The following PCDH15 variants were observed in gnomAD, a reference collection of about 807,000 sequenced individuals.
PCDH15 encodes protocadherin related 15, also known as protocadherin-15.
In PCDH15, 129 loss-of-function variants were observed where a neutral mutation model predicts 178.5. That is an observed-to-expected ratio of 0.72 (90% CI 0.63 to 0.84). The LOEUF (loss-of-function observed/expected upper bound fraction) is 0.84, where lower values mean the gene tolerates loss of function less well. Ranked by LOEUF, PCDH15 falls within the 40% of genes least tolerant of loss-of-function variation. PCDH15 has a pLI of 0.00. For missense variants in PCDH15, 2,230 were observed against 2,099.9 expected (o/e 1.06, Z -1.21); for synonymous variants, 800 against 732.0 (o/e 1.09, Z -1.50).
intron 29 of PCDH15, among the ~76,000 whole-genome samples, chr10:53,835,918 T>C (rs1383599074): frequency 1.3e-5 from 2 of 152,228 alleles, no homozygotes; most frequent in African/African-American, 4.8e-5. Context: ...TATTCCTTCA[T>C]GGTGTAAGAA....
intron 2 of PCDH15, among the ~76,000 whole-genome samples, chr10:54,622,784 G>A (rs1264925411): frequency 2.3e-5 from 1 of 43,492 alleles, no homozygotes; most frequent in African/African-American, 8.1e-5. Context: ...TCCCACTACA[G>A]TGGGAAAAAC....
chr10:54,809,652 T>C (rs1041529861), intron 3 of PCDH15, among the ~76,000 whole-genome samples: 1 of 152,160 alleles, frequency 6.6e-6, no homozygotes, highest in African/African-American at 2.4e-5. Flanking sequence ...TTATTCAATA[T>C]TGAGTGCCAA....
At chr10:54,617,436 A>G (rs1346351403) in intron 2 of PCDH15, among the ~76,000 whole-genome samples, 1 of 152,122 alleles carries the variant, frequency 6.6e-6, no homozygotes, top group Non-Finnish European at 1.5e-5. Flanking sequence ...GTTAATATAC[A>G]ATAAAGAGAA....
At chr10:55,491,746 G>A (rs1840423983) in intron 2 of PCDH15, among the ~76,000 whole-genome samples, 1 of 151,002 alleles carries the variant, frequency 6.6e-6, no homozygotes, top group Non-Finnish European at 1.5e-5. Context: ...AAGTCTTGGT[G>A]GGGAACAATT....
intron 2 of PCDH15, among the ~76,000 whole-genome samples, chr10:55,365,414 A>G (rs936052442): frequency 1.2e-4 from 19 of 152,146 alleles, no homozygotes; most frequent in Admixed American, 1.1e-3. Flanking sequence ...GAGCAGCTCT[A>G]TAACAAGGAG....
At chr10:54,752,738 C>G (rs1234834629) in intron 1 of PCDH15, among the ~76,000 whole-genome samples, 2 of 151,758 alleles carry the variant, frequency 1.3e-5, no homozygotes, top group Non-Finnish European at 2.9e-5. Context: ...GACAGGACCT[C>G]ACTTATTTCC....
At chr10:54,157,015 T>G (rs574622563) in intron 13 of PCDH15, among the ~76,000 whole-genome samples, 1 of 152,334 alleles carries the variant, frequency 6.6e-6, no homozygotes, top group South Asian at 2.1e-4. Flanking sequence ...TCTGTCCCTT[T>G]GGCTTTGCAG....
At chr10:54,182,856 T>G (rs1481579293) in intron 13 of PCDH15, among the ~76,000 whole-genome samples, 1 of 152,206 alleles carries the variant, frequency 6.6e-6, no homozygotes, top group African/African-American at 2.4e-5. Context: ...TATGCTTTTT[T>G]TTTTAAAGTA....
In PCDH15 at chr10:54,905,831, TC is replaced by T. The variant is rs1188881990; in HGVS notation, c.-79-8332del. Among the ~76,000 whole-genome samples the T allele has an allele frequency of 3.9e-5, 6 of 152,226 alleles. No individual in the cohort carries two copies. In the East Asian group the frequency reaches 1.2e-3, roughly 29 times the overall value. On this transcript the variant is annotated intron_variant, in intron 2 of 5. Coordinates refer to the PCDH15 transcript ENST00000458638. ...GATGTGTCATGAATACAAAAATTTC[TC>T]CCTCTTAACATTTCCTTTTCAATAG...
chr10:54,987,080 T>C (rs919522016), intron 2 of PCDH15, among the ~76,000 whole-genome samples: 13 of 152,088 alleles, frequency 8.5e-5, no homozygotes, highest in Non-Finnish European at 4.4e-5. Context: ...GTGTTCTCAT[T>C]GTTCAACTCC....
chr10:54,825,665 A>G (rs1053540611), intron 3 of PCDH15, among the ~76,000 whole-genome samples: 11 of 151,756 alleles, frequency 7.2e-5, no homozygotes, highest in Admixed American at 6.6e-4. Context: ...GGCTGCATAA[A>G]TGTCTTCTTT....
intron 16 of PCDH15, among the ~76,000 whole-genome samples, chr10:54,089,357 CAT>C (rs1411740589): frequency 6.6e-6 from 1 of 152,198 alleles, no homozygotes; most frequent in East Asian, 1.9e-4. Context: ...AAACCAGCCA[CAT>C]GTGACAGCAG....
intron 21 of PCDH15, among the ~76,000 whole-genome samples, chr10:53,964,499 T>A (rs1202551165): frequency 3.7e-5 from 5 of 136,124 alleles, no homozygotes; most frequent in Non-Finnish European, 7.9e-5. Flanking sequence ...TTTATAAAAA[T>A]TTTATTTATA....
chr10:55,022,594 AAC>A (rs1840358327), intron 2 of PCDH15, among the ~76,000 whole-genome samples: 1 of 152,216 alleles, frequency 6.6e-6, no homozygotes, highest in African/African-American at 2.4e-5. Context: ...TCCTACATAA[AAC>A]ACACAATTTT....
intron 2 of PCDH15, among the ~76,000 whole-genome samples, chr10:55,392,047 C>T (rs1486760711): frequency 1.3e-5 from 2 of 152,198 alleles, no homozygotes; most frequent in East Asian, 3.9e-4. Flanking sequence ...TAAGAGACCT[C>T]GGGAAAGAGT....
intron 2 of PCDH15, among the ~76,000 whole-genome samples, chr10:55,345,824 A>G (rs928862958): frequency 2.6e-5 from 4 of 152,076 alleles, no homozygotes; most frequent in East Asian, 1.9e-4. Context: ...CAAGTTATAC[A>G]TATATGTAAG....
chr10:55,016,995 T>A (rs1365399958), intron 2 of PCDH15, among the ~76,000 whole-genome samples: 1 of 151,848 alleles, frequency 6.6e-6, no homozygotes, highest in Non-Finnish European at 1.5e-5. Flanking sequence ...GGGAGAGAAG[T>A]GAGTGCAAAA....
intron 8 of PCDH15, among the ~76,000 whole-genome samples, chr10:54,308,781 C>G (rs1400131056): frequency 6.6e-6 from 1 of 151,974 alleles, no homozygotes; most frequent in Non-Finnish European, 1.5e-5. Context: ...TATCCCTCCC[C>G]TATTCCCCGA....
intron 6 of PCDH15, among the ~76,000 whole-genome samples, chr10:54,344,335 A>C (rs1942834509): frequency 6.6e-6 from 1 of 152,206 alleles, no homozygotes; most frequent in Non-Finnish European, 1.5e-5. Flanking sequence ...TAAGAGTTAC[A>C]TATTATATTG....
Sources: gnomAD v4.1 joint callset for allele counts (sites outside exome capture counted in the v4.1 genomes callset) on GRCh38, gnomAD v4.1.1 for gene constraint, MANE v1.5 for transcripts, NCBI Gene and HGNC (gene_info 2026-07-23, HGNC 2026-07-21) for gene names.